The following PPP1R15B variants were observed in gnomAD, a reference collection of about 807,000 sequenced individuals.
The protein encoded by PPP1R15B is protein phosphatase 1, regulatory (inhibitor) subunit 15B.
PPP1R15B carries 31 observed loss-of-function variants against 53.9 expected under a neutral mutation model. That is an observed-to-expected ratio of 0.58 (90% CI 0.43 to 0.78). The LOEUF (loss-of-function observed/expected upper bound fraction) is 0.78, where lower values mean the gene tolerates loss of function less well. PPP1R15B is among the 30% of genes least tolerant of loss of function. The pLI, the probability that PPP1R15B is intolerant of heterozygous loss-of-function variation, is 0.00. For synonymous variants in PPP1R15B, 345 were observed against 329.1 expected (o/e 1.05, Z -0.52); for missense variants, 928 against 849.6 (o/e 1.09, Z -1.15).
rs1674216738 is a variant in PPP1R15B, at chr1:204,403,684, A to G, written c.*2408T>C. ...TACATTGACACTTAAAGCACCATTA[A>G]CAAGACTTTAAATGTATAAAATGTT... On this transcript the variant is annotated 3_prime_UTR_variant, in exon 2 of 2. Transcript: ENST00000367188. The G allele has an allele frequency of 5.1e-6, 5 of 984,874 alleles. No individual in the cohort carries two copies. Among genetic ancestry groups the G allele is most frequent in the Non-Finnish European group, 6.0e-6 (5 of 829,000 alleles). The allele number at this position is 984,874 out of a possible 1,614,324, so 61.0% of individuals were successfully genotyped here. A position where few individuals can be genotyped will look rare whatever the true frequency, so the allele number is the denominator to read the frequency against.
downstream of PPP1R15B, chr1:204,403,370 CA>C: frequency 1.5e-6 from 1 of 666,970 alleles, no homozygotes; most frequent in Non-Finnish European, 1.9e-6. Flanking sequence ...AAAGTTGAAC[CA>C]AAATATCACT....
chr1:204,402,120 T>C (rs1214129790), downstream of PPP1R15B, among the ~76,000 whole-genome samples: 1 of 152,218 alleles, frequency 6.6e-6, no homozygotes, highest in Non-Finnish European at 1.5e-5. Flanking sequence ...AACCCCAAGA[T>C]AGAAATAAAA....
rs1339277867 is a variant in PPP1R15B at position 204,409,843 on chromosome 1, G to A, written c.1569C>T (p.Ser523=). Residue 523 remains serine, a synonymous_variant, in exon 1 of 2, where the codon TCC becomes TCT. Transcript: ENST00000367188. ...DLSGKSDLEN[S]SQSGSLPETP... ...TCTCAGGAAGGCTTCCAGACTGGGA[G>A]GAATTCTCTAGATCAGACTTGCCAG... 1.9e-6 allele frequency: 3 copies of A among 1,614,146 alleles called. No individual in the cohort carries two copies. Among genetic ancestry groups the A allele is most frequent in the Admixed American group, 1.7e-5 (1 of 60,020 alleles).
rs1674216265 is a variant in PPP1R15B, at chr1:204,403,655, A to C, written c.*2437T>G. On this transcript the variant is annotated 3_prime_UTR_variant, in exon 2 of 2. Coordinates refer to ENST00000367188, the MANE Select transcript of PPP1R15B (RefSeq NM_032833.5). ...TACCTGTCTGTACAAAGCCTTTTAC[A>C]TGCTACATTGACACTTAAAGCACCA... 1 of 984,980 alleles carries C rather than the reference A, an allele frequency of 1.0e-6. No individual in the cohort carries two copies. Among genetic ancestry groups the C allele is most frequent in the Non-Finnish European group, 1.2e-6 (1 of 829,204 alleles). 61.0% of individuals were successfully genotyped at this position (984,980 alleles called of 1,614,324 possible).
Position 204,405,014 on chromosome 1 carries a change from A to G in PPP1R15B, c.*1078T>C, listed in dbSNP as rs1674240634. On this transcript the variant is annotated 3_prime_UTR_variant, in exon 2 of 2. Transcript: ENST00000367188. ...ATAGTAGGACACAATAAACCTGGATATTGACTGAAGTTTATATTTTACATT... is the reference window on the plus strand; with the variant it reads ...ATAGTAGGACACAATAAACCTGGATGTTGACTGAAGTTTATATTTTACATT... 3.0e-6 allele frequency: 3 copies of G among 985,572 alleles called. No individual in the cohort carries two copies. The highest frequency in any genetic ancestry group is 3.6e-6 in the Non-Finnish European group (3 of 829,776). 61.1% of individuals were successfully genotyped at this position (985,572 alleles called of 1,614,324 possible).
Position 204,404,058 on chromosome 1 carries a change from G to T in PPP1R15B, c.*2034C>A. ...CTCGGAAATAAAATGTTTCAGCCTGGTTTTAAAAGAATGCCTGTATGTTGT... is the reference window on the plus strand; with the variant it reads ...CTCGGAAATAAAATGTTTCAGCCTGTTTTTAAAAGAATGCCTGTATGTTGT... On this transcript the variant is annotated 3_prime_UTR_variant, in exon 2 of 2. Transcript: ENST00000367188. 1.8e-5 allele frequency: 18 copies of T among 985,392 alleles called. No homozygotes were observed. Among genetic ancestry groups the T allele is most frequent in the Non-Finnish European group, 2.2e-5 (18 of 829,922 alleles). 61.0% of individuals were successfully genotyped at this position (985,392 alleles called of 1,614,324 possible). A position where few individuals can be genotyped will look rare whatever the true frequency, so the allele number is the denominator to read the frequency against.
chr1:204,403,467 C>A lies in PPP1R15B; in HGVS notation c.*2625G>T. ...CAAATATAATTTTAACTATAAAATC[C>A]CAACTAGTTACATTTAAATTATTGA... On this transcript the variant is annotated 3_prime_UTR_variant, in exon 2 of 2. Coordinates refer to ENST00000367188, the MANE Select transcript of PPP1R15B (RefSeq NM_032833.5). 1 of 857,638 alleles carries A rather than the reference C, an allele frequency of 1.2e-6. No homozygotes were observed. The allele number at this position is 857,638 out of a possible 1,614,324, so 53.1% of individuals were successfully genotyped here.
Position 204,411,711 on chromosome 1 carries a change from C to T in PPP1R15B, c.-300G>A. The stretch of plus-strand genomic sequence containing the variant: ...ACCATGGATAGGAGTCCCCCCACGG[C>T]CTCGGCGATGGTTTTCCGACTGACA... On this transcript the variant is annotated 5_prime_UTR_variant, in exon 1 of 2. Transcript: ENST00000367188. The T allele has an allele frequency of 2.1e-6, 1 of 475,402 alleles. No homozygotes were observed. The allele number at this position is 475,402 out of a possible 1,614,324, so 29.4% of individuals were successfully genotyped here.
chr1:204,400,223 T>TGA (rs531042057), downstream of PPP1R15B, among the ~76,000 whole-genome samples: 131 of 123,518 alleles, frequency 1.1e-3, 4 homozygotes, highest in South Asian at 0.032. Context: ...TGGGTGACAG[T>TGA]GAGACACTGT....
chr1:204,406,972 T>G (rs1674276971), intron 1 of PPP1R15B, among the ~76,000 whole-genome samples: 1 of 152,160 alleles, frequency 6.6e-6, no homozygotes. Context: ...GAATTTTTCA[T>G]GCTGTTATTA....
chr1:204,405,874 G>C lies in PPP1R15B; in HGVS notation c.*218C>G, dbSNP rs1246824229. ...CATCCAACTAAATCAAAAAAGGGAGGATTAGAAATCACACTAGTTCATCCT... is the reference window on the plus strand; with the variant it reads ...CATCCAACTAAATCAAAAAAGGGAGCATTAGAAATCACACTAGTTCATCCT... On this transcript the variant is annotated 3_prime_UTR_variant, in exon 2 of 2. Coordinates refer to ENST00000367188, the MANE Select transcript of PPP1R15B (RefSeq NM_032833.5). 1.5e-6 allele frequency: 2 copies of C among 1,308,736 alleles called. No homozygotes were observed. The highest frequency in any genetic ancestry group is 6.0e-5 in the East Asian group (2 of 33,350). 81.1% of individuals were successfully genotyped at this position (1,308,736 alleles called of 1,614,324 possible).
chr1:204,405,650 AT>A lies in PPP1R15B; in HGVS notation c.*441del. On this transcript the variant is annotated 3_prime_UTR_variant, in exon 2 of 2. Coordinates refer to ENST00000367188, the MANE Select transcript of PPP1R15B (RefSeq NM_032833.5). ...AAAATATAGAAAAACATAAAAGCCC[AT>A]TAACTTCTGAATTTTGGGAAAGAAA... The A allele has an allele frequency of 1.0e-6, 1 of 983,776 alleles. No homozygotes were observed. The highest frequency in any genetic ancestry group is 1.7e-5 in the African/African-American group (1 of 57,302). 60.9% of individuals were successfully genotyped at this position (983,776 alleles called of 1,614,324 possible).
In PPP1R15B at chr1:204,404,942, T is replaced by C; in HGVS notation, c.*1150A>G. ...TTCCAGTCATTAATCTATACTTCTA[T>C]CCTTTCCTGAAAGTAAAGGCCTTGC... is the stretch of plus-strand genomic sequence containing the variant. On this transcript the variant is annotated 3_prime_UTR_variant, in exon 2 of 2. Transcript: ENST00000367188. The C allele has an allele frequency of 1.0e-6, 1 of 985,436 alleles. No homozygotes were observed. Among genetic ancestry groups the C allele is most frequent in the Non-Finnish European group, 1.2e-6 (1 of 829,546 alleles). The allele number at this position is 985,436 out of a possible 1,614,324, so 61.0% of individuals were successfully genotyped here.
At position 204,404,581 on chromosome 1, in the gene PPP1R15B, G is replaced by A; in HGVS notation, c.*1511C>T. The A allele has an allele frequency of 1.6e-5, 16 of 984,186 alleles. No individual in the cohort carries two copies. Among genetic ancestry groups the A allele is most frequent in the Non-Finnish European group, 1.8e-5 (15 of 828,448 alleles). The allele number at this position is 984,186 out of a possible 1,614,324, so 61.0% of individuals were successfully genotyped here. On this transcript the variant is annotated 3_prime_UTR_variant, in exon 2 of 2. Transcript: ENST00000367188. ...TTGCATTCTCAATGTGTTTAATTAT[G>A]AATATATAAACAGTGGAGGCAGTTC...
In PPP1R15B at chr1:204,404,789, C is replaced by T. The variant is rs912821918; in HGVS notation, c.*1303G>A. 63 of 985,718 alleles carry T rather than the reference C, an allele frequency of 6.4e-5. No homozygotes were observed. The highest frequency in any genetic ancestry group is 7.2e-5 in the Non-Finnish European group (60 of 829,936). The allele number at this position is 985,718 out of a possible 1,614,324, so 61.1% of individuals were successfully genotyped here. A position where few individuals can be genotyped will look rare whatever the true frequency, so the allele number is the denominator to read the frequency against. ...AAGCACACGGAATGAAAGCAGACCACGGAAGGGTTAACAACCCCTCAACCT... is the reference window on the plus strand; with the variant it reads ...AAGCACACGGAATGAAAGCAGACCATGGAAGGGTTAACAACCCCTCAACCT... On this transcript the variant is annotated 3_prime_UTR_variant, in exon 2 of 2. Transcript: ENST00000367188.
In PPP1R15B at chr1:204,405,705, G is replaced by A. The variant is rs1674253785; in HGVS notation, c.*387C>T. On this transcript the variant is annotated 3_prime_UTR_variant, in exon 2 of 2. Coordinates refer to ENST00000367188, the MANE Select transcript of PPP1R15B (RefSeq NM_032833.5). ...GAAAGAGCCCAAAGTTTTCAGATAG[G>A]CACACATAATTTAGATTAGAAATGA... 3 of 989,174 alleles carry A rather than the reference G, an allele frequency of 3.0e-6. No individual in the cohort carries two copies. The highest frequency in any genetic ancestry group is 3.6e-6 in the Non-Finnish European group (3 of 831,304). 61.3% of individuals were successfully genotyped at this position (989,174 alleles called of 1,614,324 possible). A position where few individuals can be genotyped will look rare whatever the true frequency, so the allele number is the denominator to read the frequency against.
At position 204,411,059 on chromosome 1, in the gene PPP1R15B, G is replaced by A; in HGVS notation, c.353C>T (p.Pro118Leu). The A allele has an allele frequency of 3.7e-6, 6 of 1,614,178 alleles. No individual in the cohort carries two copies. Among genetic ancestry groups the A allele is most frequent in the Non-Finnish European group, 5.1e-6 (6 of 1,180,024 alleles). Residue 118 changes from proline to leucine, a missense_variant, in exon 1 of 2, where the codon CCC (proline) becomes CTC (leucine). Coordinates refer to ENST00000367188, the MANE Select transcript of PPP1R15B (RefSeq NM_032833.5). ...CGAACTCAAAGATTTCTGCGCTGTG[G>A]GGGCGGCTGGTTTCTCCCGTCCCTT... ...ALKGREKPAAPTAQKSLSSLQ... is the reference protein window; with the variant it reads ...ALKGREKPAALTAQKSLSSLQ...
At position 204,410,409 on chromosome 1, in the gene PPP1R15B, C is replaced by T. The variant is rs764288783; in HGVS notation, c.1003G>A (p.Asp335Asn). The T allele has an allele frequency of 1.9e-6, 3 of 1,614,226 alleles. No homozygotes were observed. Among genetic ancestry groups the T allele is most frequent in the South Asian group, 1.1e-5 (1 of 91,092 alleles). The stretch of plus-strand genomic sequence containing the variant: ...GGGTTATCTCTGCAGTGTTTTGGAT[C>T]CATCCGGAGAAGGCTGTGTTCCTCC... Reference protein sequence around the residue: ...LEEEHSLLRMDPKHCRDNPTQ... With the variant: ...LEEEHSLLRMNPKHCRDNPTQ... The change falls in exon 1 of 2, where the codon GAT (aspartate) becomes AAT (asparagine). Residue 335 changes from aspartate (D) to asparagine (N), a missense_variant. Physicochemically the swap from Asp to Asn is conservative, Grantham distance 23 (BLOSUM62 1). Coordinates refer to ENST00000367188, the MANE Select transcript of PPP1R15B (RefSeq NM_032833.5).
Position 204,411,061 on chromosome 1 carries a change from G to T in PPP1R15B, c.351C>A (p.Ala117=). The change falls in exon 1 of 2, where the codon GCC becomes GCA. Residue 117 remains alanine (A), a synonymous_variant. Transcript: ENST00000367188. The part of the protein sequence containing the change: ...RALKGREKPA[A]PTAQKSLSSL... ...AACTCAAAGATTTCTGCGCTGTGGG[G>T]GCGGCTGGTTTCTCCCGTCCCTTCA... is the stretch of plus-strand genomic sequence containing the variant. The T allele has an allele frequency of 6.2e-7, 1 of 1,614,206 alleles. No individual in the cohort carries two copies. The highest frequency in any genetic ancestry group is 8.5e-7 in the Non-Finnish European group (1 of 1,180,026).
Sources: gnomAD v4.1 joint callset for allele counts (sites outside exome capture counted in the v4.1 genomes callset) on GRCh38, gnomAD v4.1.1 for gene constraint, MANE v1.5 for transcripts, NCBI Gene and HGNC (gene_info 2026-07-23, HGNC 2026-07-21) for gene names.